NKAIN3: variants seen among roughly 807,000 people sequenced by gnomAD.
The protein encoded by NKAIN3 is sodium/potassium transporting ATPase interacting 3.
A neutral mutation model predicts 30.2 loss-of-function variants in NKAIN3; 25 were observed. That is an observed-to-expected ratio of 0.83 (90% CI 0.60 to 1.16). The LOEUF (loss-of-function observed/expected upper bound fraction) is 1.16. Among genes scored for constraint, NKAIN3 ranks in the 50% most tolerant of loss-of-function variants. The pLI is 0.00. For missense variants in NKAIN3, 225 were observed against 254.1 expected (o/e 0.89, Z 0.78); for synonymous variants, 91 against 89.6 (o/e 1.02, Z -0.09).
chr8:62,891,738 A>T, intron 4 of NKAIN3, among the ~76,000 whole-genome samples: 1 of 152,200 alleles, frequency 6.6e-6, no homozygotes, highest in East Asian at 1.9e-4. Flanking sequence ...AGATGTAGAT[A>T]AAAATCCTTC....
At chr8:62,480,807 G>A (rs1389260811) in intron 1 of NKAIN3, among the ~76,000 whole-genome samples, 3 of 152,230 alleles carry the variant, frequency 2.0e-5, no homozygotes, top group South Asian at 2.1e-4. Flanking sequence ...TAGGTCCCAC[G>A]TGGGACCTGG....
intron 4 of NKAIN3, among the ~76,000 whole-genome samples, chr8:62,862,150 T>C (rs576535340): frequency 1.3e-5 from 2 of 152,348 alleles, no homozygotes; most frequent in South Asian, 4.1e-4. Context: ...GCTTCCCCTC[T>C]GTATTTTAAA....
intron 1 of NKAIN3, among the ~76,000 whole-genome samples, chr8:62,462,364 T>A (rs1806024611): frequency 6.6e-6 from 1 of 152,160 alleles, no homozygotes; most frequent in South Asian, 2.1e-4. Context: ...AATGATATAA[T>A]TCACAATGCA....
intron 1 of NKAIN3, among the ~76,000 whole-genome samples, chr8:62,556,625 T>C (rs769892240): frequency 6.6e-6 from 1 of 151,778 alleles, no homozygotes; most frequent in Admixed American, 6.6e-5. Context: ...ATTAATCAAA[T>C]ACTAAAGCAA....
chr8:62,970,396 T>C lies in NKAIN3; in HGVS notation c.*4989T>C, dbSNP rs1823808125. On this transcript the variant is annotated 3_prime_UTR_variant, in exon 7 of 7. Transcript: ENST00000623646. Reference sequence around the variant, plus strand: ...GACTAAAAAGAAAAATGCCACTTCTTGAAGGTGGATACAGCTTCTTAAATA... The same window carrying C: ...GACTAAAAAGAAAAATGCCACTTCTCGAAGGTGGATACAGCTTCTTAAATA... 6.6e-6 allele frequency among the ~76,000 whole-genome samples: 1 copy of C among 152,194 alleles called. No individual in the cohort carries two copies. Among genetic ancestry groups the C allele is most frequent in the African/African-American group, 2.4e-5 (1 of 41,462 alleles).
intron 1 of NKAIN3, among the ~76,000 whole-genome samples, chr8:62,293,037 G>T (rs1325272788): frequency 1.3e-5 from 2 of 152,100 alleles, no homozygotes; most frequent in Non-Finnish European, 2.9e-5. Flanking sequence ...ACTGAAGCTT[G>T]TGCATGCATC....
intron 1 of NKAIN3, among the ~76,000 whole-genome samples, chr8:62,395,034 C>T (rs1360475408): frequency 6.7e-6 from 1 of 148,782 alleles, no homozygotes; most frequent in African/African-American, 2.5e-5. Context: ...GGAGGCCGGG[C>T]AGAGGCGCTC....
At chr8:62,717,506 T>C (rs1814946917) in intron 3 of NKAIN3, among the ~76,000 whole-genome samples, 1 of 152,136 alleles carries the variant, frequency 6.6e-6, no homozygotes, top group Admixed American at 6.5e-5. Context: ...TAAGGGTTTT[T>C]TTTTTTACAG....
intron 1 of NKAIN3, among the ~76,000 whole-genome samples, chr8:62,460,425 A>G (rs1321161375): frequency 6.6e-6 from 1 of 151,842 alleles, no homozygotes; most frequent in Non-Finnish European, 1.5e-5. Flanking sequence ...AAAAAAAAAA[A>G]AAGAAAGAAA....
intron 4 of NKAIN3, among the ~76,000 whole-genome samples, chr8:62,852,857 G>A (rs902544037): frequency 2.6e-5 from 4 of 152,132 alleles, no homozygotes; most frequent in African/African-American, 7.2e-5. Context: ...ATTTGCTGAC[G>A]AGTGCTTAAC....
chr8:62,943,769 ATATATGGTATAATATATTTTTATTTT>A (rs1257987212), intron 5 of NKAIN3, among the ~76,000 whole-genome samples: 3 of 147,786 alleles, frequency 2.0e-5, no homozygotes, highest in African/African-American at 7.4e-5. Context: ...ATATTATATT[ATATATGGTATAATATATTTTTATTTT>A]TATATGGTAT....
intron 3 of NKAIN3, among the ~76,000 whole-genome samples, chr8:62,709,572 C>T (rs971417773): frequency 9.2e-5 from 14 of 151,888 alleles, no homozygotes; most frequent in South Asian, 2.1e-4. Flanking sequence ...TAATATCCAC[C>T]GTTTTGTTTC....
At chr8:62,987,185 A>C (rs143268627), downstream of NKAIN3, among the ~76,000 whole-genome samples, 1 of 152,104 alleles carries the variant, frequency 6.6e-6, no homozygotes, top group Non-Finnish European at 1.5e-5. Flanking sequence ...TCAGGAGTTT[A>C]AGATTAACCT....
chr8:62,889,647 G>A (rs28516791), intron 4 of NKAIN3, among the ~76,000 whole-genome samples: 46,412 of 152,016 alleles, frequency 0.31, 7,834 homozygotes, highest in East Asian at 0.64. Context: ...TCTGGTTCTT[G>A]TAAGTTGAGA....
chr8:62,780,437 A>G (rs968401260), intron 4 of NKAIN3, among the ~76,000 whole-genome samples: 2 of 152,098 alleles, frequency 1.3e-5, no homozygotes, highest in Non-Finnish European at 2.9e-5. Context: ...CTCATTCTAC[A>G]ATGATAGCAT....
chr8:62,680,763 A>T (rs1431104846), intron 3 of NKAIN3, among the ~76,000 whole-genome samples: 2 of 152,040 alleles, frequency 1.3e-5, no homozygotes, highest in Non-Finnish European at 2.9e-5. Flanking sequence ...AAAATGCTTC[A>T]CCAAACTTTT....
chr8:62,300,984 C>T (rs867976098), intron 1 of NKAIN3, among the ~76,000 whole-genome samples: 84 of 151,968 alleles, frequency 5.5e-4, no homozygotes, highest in African/African-American at 1.8e-3. Flanking sequence ...GTAAACTTGG[C>T]AGAAATTGTA....
At chr8:62,255,621 C>T (rs1812239240) in intron 1 of NKAIN3, among the ~76,000 whole-genome samples, 1 of 152,158 alleles carries the variant, frequency 6.6e-6, no homozygotes, top group African/African-American at 2.4e-5. Context: ...TTAATTAAAA[C>T]CACTTAAATG....
chr8:62,354,852 T>C (rs1159146070), intron 1 of NKAIN3, among the ~76,000 whole-genome samples: 1 of 152,184 alleles, frequency 6.6e-6, no homozygotes, highest in African/African-American at 2.4e-5. Flanking sequence ...CTGATACATG[T>C]ACAGGCAGAG....
Sources: gnomAD v4.1 joint callset for allele counts (sites outside exome capture counted in the v4.1 genomes callset) on GRCh38, gnomAD v4.1.1 for gene constraint, MANE v1.5 for transcripts, NCBI Gene and HGNC (gene_info 2026-07-23, HGNC 2026-07-21) for gene names.